BTRC: variants seen among roughly 807,000 people sequenced by gnomAD.
The protein encoded by BTRC is beta-transducin repeat containing E3 ubiquitin protein ligase.
In BTRC, 42 loss-of-function variants were observed where a neutral mutation model predicts 85.5. The ratio of observed to expected loss-of-function variants is 0.49; its 90% CI spans 0.38 to 0.64. The LOEUF (loss-of-function observed/expected upper bound fraction) is 0.64, where lower values mean the gene tolerates loss of function less well. BTRC is among the 30% of genes least tolerant of loss of function. The pLI is 0.00. For synonymous variants in BTRC, 255 were observed against 263.3 expected, an observed-to-expected ratio of 0.97 and a Z score of 0.30; for missense variants, 594 against 743.5, an observed-to-expected ratio of 0.80 and a Z score of 2.34.
chr10:101,370,937 C>T (rs572690481), intron 1 of BTRC, among the ~76,000 whole-genome samples: 7 of 152,272 alleles, frequency 4.6e-5, no homozygotes, highest in African/African-American at 1.7e-4. Flanking sequence ...TACCTATATA[C>T]ATACACACAC....
intron 1 of BTRC, among the ~76,000 whole-genome samples, chr10:101,409,440 A>C (rs1360402185): frequency 1.3e-5 from 2 of 152,204 alleles, no homozygotes; most frequent in Admixed American, 1.3e-4. Flanking sequence ...TTGTATGTAC[A>C]TACAGTCATG....
intron 4 of BTRC, among the ~76,000 whole-genome samples, chr10:101,482,839 G>A (rs1235996805): frequency 6.6e-6 from 1 of 152,146 alleles, no homozygotes; most frequent in African/African-American, 2.4e-5. Context: ...TGATATGGCT[G>A]CAGTGTTTTC....
chr10:101,541,282 C>T lies in BTRC; in HGVS notation c.1656+2911C>T, dbSNP rs550016710. On this transcript the variant is annotated intron_variant, in intron 13 of 14. Coordinates refer to ENST00000370187, the MANE Select transcript of BTRC (RefSeq NM_033637.4). ...GTTTTTCTCTTTTTTTTTTTTGAGA[C>T]GGAGTCTCGCTCTTTCACCCAGGCT... Among the ~76,000 whole-genome samples the T allele has an allele frequency of 2.8e-3, 393 of 140,320 alleles. 3 individuals carry two copies. Among genetic ancestry groups the T allele is most frequent in the African/African-American group, 9.0e-3 (332 of 36,738 alleles). The allele number at this position is 140,320 out of a possible 152,430, so 92.1% of individuals were successfully genotyped here.
At chr10:101,509,887 G>A (rs1946655236) in intron 4 of BTRC, among the ~76,000 whole-genome samples, 1 of 151,696 alleles carries the variant, frequency 6.6e-6, no homozygotes, top group Admixed American at 6.6e-5. Flanking sequence ...GATGCTTTTG[G>A]CCGGGTGCGA....
At chr10:101,425,163 G>A (rs1176835675) in intron 1 of BTRC, among the ~76,000 whole-genome samples, 1 of 152,180 alleles carries the variant, frequency 6.6e-6, no homozygotes, top group African/African-American at 2.4e-5. Flanking sequence ...GTATTCCATG[G>A]TATATGTGTA....
At chr10:101,539,157 T>C (rs1033713042) in intron 13 of BTRC, among the ~76,000 whole-genome samples, 1 of 152,212 alleles carries the variant, frequency 6.6e-6, no homozygotes, top group African/African-American at 2.4e-5. Context: ...GAGCCCATCT[T>C]TTTTGTTCCC....
chr10:101,530,964 G>A (rs951138712), intron 6 of BTRC, among the ~76,000 whole-genome samples: 2 of 152,214 alleles, frequency 1.3e-5, no homozygotes, highest in African/African-American at 2.4e-5. Flanking sequence ...TTTGAGGCCA[G>A]GAGTTCAAGA....
chr10:101,356,327 C>G (rs558522705), intron 1 of BTRC, among the ~76,000 whole-genome samples: 2 of 152,310 alleles, frequency 1.3e-5, no homozygotes, highest in South Asian at 4.1e-4. Flanking sequence ...CTAATCCTGA[C>G]ATTTGTGTCA....
intron 1 of BTRC, among the ~76,000 whole-genome samples, chr10:101,372,231 G>T (rs1309635868): frequency 1.3e-5 from 2 of 149,902 alleles, no homozygotes; most frequent in African/African-American, 4.9e-5. Context: ...TGGCTATCTT[G>T]GCCTTTTGCG....
intron 4 of BTRC, among the ~76,000 whole-genome samples, chr10:101,520,301 C>A (rs2134363647): frequency 6.6e-6 from 1 of 152,028 alleles, no homozygotes; most frequent in South Asian, 2.1e-4. Context: ...GTTCTCCTCA[C>A]CTTTGCCTCC....
In BTRC at chr10:101,390,350, TTTTC is replaced by T. The variant is rs1338093958; in HGVS notation, c.48+36123_48+36126del. ...CCTGGTATGATTTTTTTTTTTTTTT[TTTTC>T]CGAGACGGAGTCTCGCTTTGTTCCC... On this transcript the variant is annotated intron_variant, in intron 1 of 14. Coordinates refer to ENST00000370187, the MANE Select transcript of BTRC (RefSeq NM_033637.4). 4.5e-5 allele frequency among the ~76,000 whole-genome samples: 6 copies of T among 134,604 alleles called. No individual in the cohort carries two copies. The East Asian group carries it at 1.0e-3, about 22-fold the overall frequency. 88.3% of individuals were successfully genotyped at this position (134,604 alleles called of 152,430 possible).
At chr10:101,472,275 CTCTCTTCTCTTCTCTTCTCTTCTCT>C (rs57342908) in intron 3 of BTRC, among the ~76,000 whole-genome samples, 5 of 114,244 alleles carry the variant, frequency 4.4e-5, no homozygotes, top group African/African-American at 1.5e-4. Flanking sequence ...TTTTCTTTTC[CTCTCTTCTCTTCTCTTCTCTTCTCT>C]TCTCTTCTCT....
intron 13 of BTRC, among the ~76,000 whole-genome samples, chr10:101,539,898 A>G (rs2062440654): frequency 6.6e-6 from 1 of 152,212 alleles, no homozygotes; most frequent in South Asian, 2.1e-4. Flanking sequence ...TCTAATGATT[A>G]ATAATGTCAA....
chr10:101,488,072 C>T (rs1229412727), intron 4 of BTRC, among the ~76,000 whole-genome samples: 2 of 152,094 alleles, frequency 1.3e-5, no homozygotes, highest in Non-Finnish European at 2.9e-5. Flanking sequence ...GGGTTTTAAG[C>T]TTGATTTTTC....
At chr10:101,377,186 A>C (rs1247922263) in intron 1 of BTRC, among the ~76,000 whole-genome samples, 1 of 152,150 alleles carries the variant, frequency 6.6e-6, no homozygotes, top group East Asian at 1.9e-4. Flanking sequence ...TCCGTTCAGC[A>C]TAATGCCTTT....
chr10:101,420,912 A>G (rs1944083509), intron 1 of BTRC, among the ~76,000 whole-genome samples: 1 of 151,696 alleles, frequency 6.6e-6, no homozygotes, highest in African/African-American at 2.4e-5. Flanking sequence ...TTAGTTTGTT[A>G]TTACTTACAT....
intron 4 of BTRC, among the ~76,000 whole-genome samples, chr10:101,484,115 C>T (rs1427312629): frequency 2.0e-5 from 3 of 152,064 alleles, no homozygotes; most frequent in Non-Finnish European, 4.4e-5. Flanking sequence ...TTCAGTAGCC[C>T]TTTGTGGATG....
At chr10:101,456,018 A>ACACACACACACACACACACTC (rs60361192) in intron 2 of BTRC, among the ~76,000 whole-genome samples, 1 of 150,108 alleles carries the variant, frequency 6.7e-6, no homozygotes, top group Non-Finnish European at 1.5e-5. Context: ...ACACACACAC[A>ACACACACACACACACACACTC]AAATTAGCTG....
intron 1 of BTRC, among the ~76,000 whole-genome samples, chr10:101,395,652 T>G (rs540702224): frequency 3.3e-5 from 5 of 152,304 alleles, no homozygotes; most frequent in African/African-American, 1.2e-4. Context: ...TGAAAGATCT[T>G]AGATTTATTT....
Sources: allele counts gnomAD v4.1 joint callset (sites outside exome capture counted in the v4.1 genomes callset), GRCh38; gene constraint gnomAD v4.1.1; transcripts MANE v1.5; gene names NCBI Gene and HGNC (gene_info 2026-07-23, HGNC 2026-07-21).